Variants in CDH17 observed in about 807,000 individuals in gnomAD.
CDH17 encodes cadherin-17.
In CDH17, 67 loss-of-function variants were observed where a neutral mutation model predicts 86.3. The observed-to-expected ratio is 0.78, with a 90% CI of 0.64 to 0.95. CDH17 has a LOEUF of 0.95. Among genes scored for constraint, CDH17 ranks in the 40% least tolerant of loss-of-function variants. CDH17 has a pLI of 0.00. For synonymous variants in CDH17, 367 were observed against 366.4 expected (o/e 1.00, Z -0.02); for missense variants, 993 against 1,017.6 (o/e 0.98, Z 0.33).
intron 9 of CDH17, among the ~76,000 whole-genome samples, chr8:94,168,657 G>A (rs1586257131): frequency 6.6e-6 from 1 of 152,142 alleles, no homozygotes; most frequent in Admixed American, 6.5e-5. Flanking sequence ...CCTTTAGAGA[G>A]GCAAATAGCA....
chr8:94,148,294 C>A (rs1812784299), intron 14 of CDH17, among the ~76,000 whole-genome samples: 1 of 152,136 alleles, frequency 6.6e-6, no homozygotes, highest in Non-Finnish European at 1.5e-5. Flanking sequence ...GTAATCCCAG[C>A]ACTTTGGGAG....
At chr8:94,190,630 G>T (rs1241172907) in intron 2 of CDH17, among the ~76,000 whole-genome samples, 1 of 152,174 alleles carries the variant, frequency 6.6e-6, no homozygotes, top group African/African-American at 2.4e-5. Context: ...AATGGTTTTT[G>T]GAGCTAGACA....
In CDH17 at chr8:94,162,184, CAT is replaced by C. The variant is rs766739943; in HGVS notation, c.1283-24_1283-23del. ...AAATCTGAAAACCAAAGTCATATGT[CAT>C]AGAAATTTTCACTGAAAACCATGCA... On this transcript the variant is annotated intron_variant, in intron 10 of 17. Transcript: ENST00000027335. 17 of 1,502,254 alleles carry C rather than the reference CAT, an allele frequency of 1.1e-5. No individual in the cohort carries two copies. The East Asian group carries it at 3.2e-4, about 28-fold the overall frequency. 93.1% of individuals were successfully genotyped at this position (1,502,254 alleles called of 1,614,324 possible). A position where few individuals can be genotyped will look rare whatever the true frequency, so the allele number is the denominator to read the frequency against.
intron 1 of CDH17, among the ~76,000 whole-genome samples, chr8:94,204,602 A>C (rs1478179789): frequency 6.6e-6 from 1 of 152,186 alleles, no homozygotes; most frequent in Non-Finnish European, 1.5e-5. Context: ...TGCTGCAATA[A>C]ACACACGTGT....
intron 1 of CDH17, among the ~76,000 whole-genome samples, chr8:94,195,736 C>T (rs1813772795): frequency 6.6e-6 from 1 of 150,924 alleles, no homozygotes; most frequent in Non-Finnish European, 1.5e-5. Flanking sequence ...TTGGACTGCC[C>T]CTCCCCAAAA....
intron 2 of CDH17, among the ~76,000 whole-genome samples, chr8:94,190,143 A>G (rs780459157): frequency 6.6e-6 from 1 of 152,240 alleles, no homozygotes; most frequent in African/African-American, 2.4e-5. Context: ...GCAGAAAGTT[A>G]CTATTGTTAC....
At chr8:94,177,765 C>A (rs572405960) in intron 3 of CDH17, 44 bp from the exon 4 acceptor site, 2 of 1,596,076 alleles carry the variant, frequency 1.3e-6, no homozygotes, top group African/African-American at 1.3e-5. Context: ...AGGGAAAAAA[C>A]AATGTTGTGG....
At chr8:94,216,930 C>G (rs1298080903) in intron 1 of CDH17, among the ~76,000 whole-genome samples, 1 of 152,226 alleles carries the variant, frequency 6.6e-6, no homozygotes, top group African/African-American at 2.4e-5. Flanking sequence ...TTGGTTCCAA[C>G]GTGCAGCCGA....
intron 3 of CDH17, among the ~76,000 whole-genome samples, chr8:94,187,917 C>T (rs957850224): frequency 6.6e-5 from 10 of 152,194 alleles, no homozygotes; most frequent in Non-Finnish European, 4.4e-5. Context: ...CCTAATAACA[C>T]CCTACCTCAC....
At position 94,148,860 on chromosome 8, in the gene CDH17, C is replaced by T; in HGVS notation, c.1811G>A (p.Gly604Glu). Residue 604 changes from glycine to glutamate, a missense_variant, in exon 14 of 18, where the codon GGA becomes GAA. Gly to Glu is a moderately conservative substitution (Grantham distance 98). Coordinates refer to ENST00000027335, the MANE Select transcript of CDH17 (RefSeq NM_004063.4). ...EGLDISYSLR[G>E]DTRGWLKIDH... is the part of the protein sequence containing the mutation. ...AATTTTAAGCCAACCTCTTGTGTCT[C>T]CCCTCAGTGAATAGCTTCATCAAAT... is the stretch of plus-strand genomic sequence containing the variant. 6.2e-7 allele frequency: 1 copy of T among 1,607,956 alleles called. No individual in the cohort carries two copies.
intron 1 of CDH17, among the ~76,000 whole-genome samples, chr8:94,215,214 T>A (rs1814175306): frequency 6.6e-6 from 1 of 152,210 alleles, no homozygotes; most frequent in South Asian, 2.1e-4. Flanking sequence ...TTATTCATAA[T>A]AGCCAAGAGA....
At chr8:94,190,353 G>C (rs1166645981) in intron 2 of CDH17, among the ~76,000 whole-genome samples, 1 of 152,232 alleles carries the variant, frequency 6.6e-6, no homozygotes, top group African/African-American at 2.4e-5. Context: ...GTGCATGAGA[G>C]TGTGACTCCC....
In CDH17 at chr8:94,135,191, T is replaced by A. The variant is rs1314678980; in HGVS notation, c.2168-4199A>T. The stretch of plus-strand genomic sequence containing the variant: ...CTATTAGGTCTGATTGGTGCAGAGC[T>A]GAGTTCAAGTCCTGGATATCCTTGT... On this transcript the variant is annotated intron_variant, in intron 15 of 17. Transcript: ENST00000027335. Among the ~76,000 whole-genome samples, 5 of 152,226 alleles carry A rather than the reference T, an allele frequency of 3.3e-5. No homozygotes were observed. In the East Asian group the frequency reaches 9.6e-4, roughly 29 times the overall value.
intron 3 of CDH17, among the ~76,000 whole-genome samples, chr8:94,181,414 G>A (rs1198957043): frequency 1.3e-5 from 2 of 151,996 alleles, no homozygotes; most frequent in Admixed American, 6.6e-5. Flanking sequence ...GACCATAAGC[G>A]AGTCTCAATA....
chr8:94,209,849 C>T (rs1247067235), upstream of CDH17, among the ~76,000 whole-genome samples: 9 of 152,088 alleles, frequency 5.9e-5, no homozygotes, highest in Admixed American at 5.2e-4. Flanking sequence ...TCTCATCACA[C>T]AGCATTGTTC....
chr8:94,166,298 T>TG (rs1288110807), intron 9 of CDH17, among the ~76,000 whole-genome samples: 1 of 152,232 alleles, frequency 6.6e-6, no homozygotes, highest in East Asian at 1.9e-4. Context: ...TGTGAGTGGC[T>TG]GTCTTTTCCT....
rs767889553 is a variant in CDH17 at position 94,173,919 on chromosome 8, C to T, written c.661G>A (p.Glu221Lys). 5 of 1,613,620 alleles carry T rather than the reference C, an allele frequency of 3.1e-6. No homozygotes were observed. The highest frequency in any genetic ancestry group is 1.7e-5 in the Admixed American group (1 of 59,984). The change falls in exon 7 of 18, where the codon GAG (glutamate) becomes AAG (lysine). Residue 221 changes from glutamate (E) to lysine (K), a missense_variant. By Grantham distance (56) the Glu-to-Lys change is moderately conservative. Coordinates refer to ENST00000027335, the MANE Select transcript of CDH17 (RefSeq NM_004063.4). ...GATGTGGTATCACTGAAGGAATTCTCACTCTGGCCTCCCATGTCCTTCACT... is the reference window on the plus strand; with the variant it reads ...GATGTGGTATCACTGAAGGAATTCTTACTCTGGCCTCCCATGTCCTTCACT... Reference protein sequence around the residue: ...ISVKDMGGQSENSFSDTTSVD... With the variant: ...ISVKDMGGQSKNSFSDTTSVD...
intron 15 of CDH17, among the ~76,000 whole-genome samples, chr8:94,141,057 A>G (rs1345960110): frequency 6.6e-6 from 1 of 152,188 alleles, no homozygotes; most frequent in Non-Finnish European, 1.5e-5. Flanking sequence ...CCTCATGAAT[A>G]TAGATGCAAA....
chr8:94,139,768 T>C (rs563346931), intron 15 of CDH17, among the ~76,000 whole-genome samples: 165 of 152,218 alleles, frequency 1.1e-3, no homozygotes, highest in African/African-American at 3.7e-3. Flanking sequence ...CTGGGCATCA[T>C]GGTGTGCACC....
Sources: gnomAD v4.1 joint callset for allele counts (sites outside exome capture counted in the v4.1 genomes callset) on GRCh38, gnomAD v4.1.1 for gene constraint, MANE v1.5 for transcripts, NCBI Gene and HGNC (gene_info 2026-07-23, HGNC 2026-07-21) for gene names.